The following GGTA1 variants were observed in gnomAD, a reference collection of about 807,000 sequenced individuals.
GGTA1 encodes the protein inactive N-acetyllactosaminide alpha-1,3-galactosyltransferase.
In GGTA1, 5 loss-of-function variants were observed where a neutral mutation model predicts 2.6. That is an observed-to-expected ratio of 1.92 (90% CI 1.00 to 4.04). GGTA1 has a LOEUF of 4.04. GGTA1 is among the 30% of genes most tolerant of loss of function. GGTA1 has a pLI of 0.00. For synonymous variants in GGTA1, 17 were observed against 5.0 expected, an observed-to-expected ratio of 3.38 and a Z score of -3.19; for missense variants, 50 against 16.7, an observed-to-expected ratio of 2.99 and a Z score of -3.47.
intron 7 of GGTA1, among the ~76,000 whole-genome samples, chr9:121,449,187 A>C (rs926057489): frequency 6.6e-6 from 1 of 152,212 alleles, no homozygotes; most frequent in East Asian, 1.9e-4. Flanking sequence ...TCATTTTTCT[A>C]TTCACCTACC....
At chr9:121,494,589 C>T (rs1828948134) in intron 1 of GGTA1, 1 of 152,336 alleles carries the variant, frequency 6.6e-6, no homozygotes, top group Admixed American at 6.5e-5. Context: ...CACTTGAGCC[C>T]AGGAGTTCTG....
intron 1 of GGTA1, among the ~76,000 whole-genome samples, chr9:121,481,300 C>T (rs541269755): frequency 1.1e-4 from 17 of 152,082 alleles, no homozygotes; most frequent in African/African-American, 1.4e-4. Flanking sequence ...CAGCTACTCA[C>T]GTCAAGGAAA....
intron 1 of GGTA1, among the ~76,000 whole-genome samples, chr9:121,487,873 G>A (rs1469946524): frequency 3.9e-5 from 6 of 152,058 alleles, no homozygotes; most frequent in Admixed American, 1.3e-4. Context: ...GTGCCACCAC[G>A]CCCAGCTAAT....
At chr9:121,477,598 C>T (rs146535068) in intron 1 of GGTA1, among the ~76,000 whole-genome samples, 10,023 of 97,616 alleles carry the variant, frequency 0.1, 470 homozygotes, top group Middle Eastern at 0.25. Context: ...TTTTTTGAGA[C>T]GGAGTCTTGC....
At chr9:121,492,927 T>G (rs530265902) in intron 1 of GGTA1, among the ~76,000 whole-genome samples, 1 of 151,794 alleles carries the variant, frequency 6.6e-6, no homozygotes, top group African/African-American at 2.4e-5. Context: ...GCAGATCACT[T>G]GAGGTCACGA....
intron 5 of GGTA1, among the ~76,000 whole-genome samples, chr9:121,458,154 C>T (rs1022618513): frequency 7.9e-5 from 12 of 151,760 alleles, no homozygotes; most frequent in Non-Finnish European, 1.5e-4. Flanking sequence ...AGGCAATCCA[C>T]CTGTCTCGGC....
chr9:121,447,779 A>G (rs1347397957), intron 7 of GGTA1, among the ~76,000 whole-genome samples: 1 of 151,912 alleles, frequency 6.6e-6, no homozygotes, highest in Non-Finnish European at 1.5e-5. Context: ...GATTTCTCCT[A>G]CCCCAGGTGT....
intron 3 of GGTA1, among the ~76,000 whole-genome samples, chr9:121,461,807 G>A (rs549463351): frequency 2.6e-5 from 4 of 152,256 alleles, no homozygotes; most frequent in East Asian, 1.9e-4. Flanking sequence ...CAAGTTATAC[G>A]CTTCATGAAA....
At chr9:121,469,532 T>C (rs1444894172) in intron 1 of GGTA1, among the ~76,000 whole-genome samples, 1 of 152,126 alleles carries the variant, frequency 6.6e-6, no homozygotes, top group Non-Finnish European at 1.5e-5. Flanking sequence ...GCCTGTGTGC[T>C]GGGGTGTGGA....
intron 1 of GGTA1, chr9:121,479,466 C>T (rs1828586866): frequency 4.6e-6 from 1 of 216,760 alleles, no homozygotes. Context: ...AGCTGTGTGC[C>T]AAGGCAGAAA....
chr9:121,467,345 C>G (rs2065012648), intron 2 of GGTA1, among the ~76,000 whole-genome samples: 1 of 152,174 alleles, frequency 6.6e-6, no homozygotes, highest in African/African-American at 2.4e-5. Context: ...CACACACTCT[C>G]TCTCTCTCTC....
chr9:121,455,916 T>C (rs1442101339), intron 5 of GGTA1, 75 bp from the exon 6 acceptor site: 3 of 442,144 alleles, frequency 6.8e-6, no homozygotes, highest in Non-Finnish European at 1.4e-5. Context: ...CAGCTGTTAA[T>C]TATTTGATTC....
exon 8 of GGTA1, chr9:121,445,764 G>T (rs1191954693): frequency 6.6e-6 from 1 of 152,198 alleles, no homozygotes; most frequent in Non-Finnish European, 1.5e-5. Flanking sequence ...GATGGAGCAG[G>T]AGAGAACAAG....
exon 8 of GGTA1, chr9:121,445,724 TATGTCTA>T (rs2064849240): frequency 6.6e-6 from 1 of 152,198 alleles, no homozygotes; most frequent in Non-Finnish European, 1.5e-5. Context: ...TTTTGCCAAG[TATGTCTA>T]ATTATTACAC....
chr9:121,473,449 G>A (rs1000669772), intron 1 of GGTA1, among the ~76,000 whole-genome samples: 6 of 152,156 alleles, frequency 3.9e-5, no homozygotes, highest in Non-Finnish European at 8.8e-5. Flanking sequence ...CTCCAGGGAG[G>A]AAAGGTTGGC....
intron 1 of GGTA1, among the ~76,000 whole-genome samples, chr9:121,496,788 G>A (rs956846124): frequency 6.8e-6 from 1 of 147,986 alleles, no homozygotes; most frequent in Admixed American, 6.8e-5. Flanking sequence ...ATGAACCTAG[G>A]GGGCAGAGAT....
intron 1 of GGTA1, among the ~76,000 whole-genome samples, chr9:121,497,866 G>A (rs1304768439): frequency 1.3e-5 from 2 of 152,186 alleles, no homozygotes; most frequent in African/African-American, 4.8e-5. Context: ...GAGTTGGAGT[G>A]TAGGAGAGCT....
chr9:121,494,290 C>A (rs1307328632), intron 1 of GGTA1, among the ~76,000 whole-genome samples: 1 of 152,322 alleles, frequency 6.6e-6, no homozygotes, highest in African/African-American at 2.4e-5. Flanking sequence ...CCATCACTGC[C>A]TCTGCCTCCT....
intron 1 of GGTA1, among the ~76,000 whole-genome samples, chr9:121,487,228 A>T (rs1283353205): frequency 6.6e-6 from 1 of 152,028 alleles, no homozygotes; most frequent in Non-Finnish European, 1.5e-5. Context: ...GCAGGAGAAG[A>T]TGTTTGTCCT....
Sources: gnomAD v4.1 joint callset for allele counts (sites outside exome capture counted in the v4.1 genomes callset) on GRCh38, gnomAD v4.1.1 for gene constraint, MANE v1.5 for transcripts, NCBI Gene and HGNC (gene_info 2026-07-23, HGNC 2026-07-21) for gene names.